Variants in NFAT5 observed in about 807,000 individuals in gnomAD.
NFAT5 encodes the protein nuclear factor of activated T-cells 5.
In NFAT5, 31 loss-of-function variants were observed where a neutral mutation model predicts 166.5. That is an observed-to-expected ratio of 0.19 (90% confidence interval 0.14 to 0.25). The LOEUF is 0.25. NFAT5 is among the 10% of genes least tolerant of loss of function. NFAT5 has a pLI of 1.00. For missense variants in NFAT5, 1,449 were observed against 1,821.8 expected (o/e 0.80, Z 3.72); for synonymous variants, 612 against 639.7 (o/e 0.96, Z 0.65).
At chr16:69,687,511 A>G (rs1015058341) in intron 11 of NFAT5, among the ~76,000 whole-genome samples, 1 of 151,854 alleles carries the variant, frequency 6.6e-6, no homozygotes, top group African/African-American at 2.4e-5. Flanking sequence ...TGGCCGTAGA[A>G]GGACTTGTGT....
chr16:69,588,507 TCAC>T (rs1450651538), intron 2 of NFAT5, among the ~76,000 whole-genome samples: 2 of 123,570 alleles, frequency 1.6e-5, no homozygotes, highest in Non-Finnish European at 3.3e-5. Context: ...AATTGTGTTC[TCAC>T]CACACTTATT....
intron 9 of NFAT5, among the ~76,000 whole-genome samples, chr16:69,673,030 C>G (rs1286816577): frequency 6.6e-6 from 1 of 152,146 alleles, no homozygotes; most frequent in Admixed American, 6.5e-5. Flanking sequence ...TTCTCTCTCT[C>G]TCTCTTGCCT....
At position 69,647,486 on chromosome 16, in the gene NFAT5, T is replaced by C; in HGVS notation, c.712T>C (p.Ser238Pro). ...PGVKRRDCEE[S>P]NMDIFDADSA... is the part of the protein sequence containing the mutation. ...GGTCAAACGACGAGATTGTGAAGAA[T>C]CTAATATGGATATATTTGATGCCGA... The change falls in exon 4 of 15, where the codon TCT (serine) becomes CCT (proline). Residue 238 changes from serine to proline, a missense_variant. Coordinates refer to ENST00000349945, the MANE Select transcript of NFAT5 (RefSeq NM_138713.4). This position sits in a 1 kb window ranked among gnomAD's most constrained non-coding sequence, Gnocchi z 4.8. 1 of 1,612,834 alleles carries C rather than the reference T, an allele frequency of 6.2e-7. No individual in the cohort carries two copies. The highest frequency in any genetic ancestry group is 2.2e-5 in the East Asian group (1 of 44,878).
chr16:69,688,022 G>A (rs550052707), intron 11 of NFAT5, among the ~76,000 whole-genome samples: 13 of 150,450 alleles, frequency 8.6e-5, no homozygotes, highest in South Asian at 2.1e-4. Flanking sequence ...GTGAAACCCC[G>A]TCTCTACTAA....
intron 11 of NFAT5, among the ~76,000 whole-genome samples, chr16:69,689,545 T>C (rs1479247475): frequency 1.3e-5 from 2 of 152,198 alleles, no homozygotes; most frequent in Admixed American, 6.5e-5. Flanking sequence ...GATGAAAATA[T>C]TTACTTTCAG....
intron 2 of NFAT5, among the ~76,000 whole-genome samples, chr16:69,602,908 G>A (rs2033212977): frequency 1.3e-5 from 2 of 151,934 alleles, no homozygotes; most frequent in South Asian, 4.2e-4. Context: ...ACTGCTCCTG[G>A]CCTTGGTTAT....
chr16:69,662,166 TAGTA>T (rs2036173992), intron 7 of NFAT5, among the ~76,000 whole-genome samples: 1 of 152,180 alleles, frequency 6.6e-6, no homozygotes, highest in African/African-American at 2.4e-5. Flanking sequence ...AGTGGAAACA[TAGTA>T]AGAGCATCTA....
At chr16:69,642,281 A>T (rs538772384) in intron 3 of NFAT5, among the ~76,000 whole-genome samples, 2 of 152,332 alleles carry the variant, frequency 1.3e-5, no homozygotes, top group South Asian at 2.1e-4. Flanking sequence ...CTGTATGTAC[A>T]ATTCAAGTTC....
At chr16:69,642,646 ATCTC>A (rs1467694392) in intron 3 of NFAT5, among the ~76,000 whole-genome samples, 1 of 151,754 alleles carries the variant, frequency 6.6e-6, no homozygotes, top group African/African-American at 2.4e-5. Flanking sequence ...TGGTGAAACT[ATCTC>A]TACTAAAAAT....
rs1451057899 is a variant in NFAT5, at chr16:69,697,835, G to C, written c.*1484G>C. 6.6e-6 allele frequency: 1 copy of C among 152,404 alleles called. No homozygotes were observed. The highest frequency in any genetic ancestry group is 1.5e-5 in the Non-Finnish European group (1 of 68,008). The allele number at this position is 152,404 out of a possible 1,614,324, so 9.4% of individuals were successfully genotyped here. A position where few individuals can be genotyped will look rare whatever the true frequency, so the allele number is the denominator to read the frequency against. The stretch of plus-strand genomic sequence containing the variant: ...TGCAGTGTAAGGCCAACGTGTGTGT[G>C]GCTTCTATGTGTTGAGATAATGTTT... On this transcript the variant is annotated 3_prime_UTR_variant, in exon 15 of 15. Coordinates refer to ENST00000349945, the MANE Select transcript of NFAT5 (RefSeq NM_138713.4).
At chr16:69,578,216 G>C (rs2031424970) in intron 2 of NFAT5, among the ~76,000 whole-genome samples, 1 of 152,114 alleles carries the variant, frequency 6.6e-6, no homozygotes, top group African/African-American at 2.4e-5. Flanking sequence ...AATTTTGCGG[G>C]AAGTCCTGCA....
At position 69,700,256 on chromosome 16, in the gene NFAT5, C is replaced by T. The variant is rs971245129; in HGVS notation, c.*3905C>T. ...TTTATTTTTATTTTTTGTAATATCA[C>T]ATGTGCTGTAGTTTGGAATTTTATT... On this transcript the variant is annotated 3_prime_UTR_variant, in exon 15 of 15. Transcript: ENST00000349945. 2.0e-5 allele frequency: 3 copies of T among 151,904 alleles called. No homozygotes were observed. The highest frequency in any genetic ancestry group is 4.4e-5 in the Non-Finnish European group (3 of 67,986). 9.4% of individuals were successfully genotyped at this position (151,904 alleles called of 1,614,324 possible).
chr16:69,580,167 T>C (rs1227948278), intron 2 of NFAT5, among the ~76,000 whole-genome samples: 1 of 151,982 alleles, frequency 6.6e-6, no homozygotes, highest in African/African-American at 2.4e-5. Context: ...TAATATGTAA[T>C]GTAATTACAT....
intron 2 of NFAT5, among the ~76,000 whole-genome samples, chr16:69,606,687 T>C (rs9938213): frequency 0.55 from 82,928 of 151,800 alleles, 24,124 homozygotes; most frequent in East Asian, 0.82. Context: ...AAACGTCATC[T>C]CCACTAAAAA....
At chr16:69,680,322 A>C (rs1485581077) in intron 10 of NFAT5, among the ~76,000 whole-genome samples, 1 of 152,140 alleles carries the variant, frequency 6.6e-6, no homozygotes, top group African/African-American at 2.4e-5. Context: ...AATAGCCTTA[A>C]AGGTTTTGCT....
intron 1 of NFAT5, among the ~76,000 whole-genome samples, chr16:69,567,870 T>TAAC (rs2016163807): frequency 6.6e-6 from 1 of 152,166 alleles, no homozygotes; most frequent in Non-Finnish European, 1.5e-5. Context: ...GCCAAGACAT[T>TAAC]AACACCATTT....
In NFAT5 at chr16:69,647,030, G is replaced by A. The variant is rs767191337; in HGVS notation, c.256G>A (p.Ala86Thr). Reference sequence around the variant, plus strand: ...TACTCTTGAATTGTACACTGCAGATGCTTCTTCAGCTCCCTCCTCTTCCTC... The same window carrying A: ...TACTCTTGAATTGTACACTGCAGATACTTCTTCAGCTCCCTCCTCTTCCTC... ...SPPPAVVAAD[A>T]SSAPSSSSMG... The change falls in exon 4 of 15, where the codon GCT (alanine) becomes ACT (threonine). Residue 86 changes from alanine to threonine, a missense_variant and splice_region_variant. Coordinates refer to ENST00000349945, the MANE Select transcript of NFAT5 (RefSeq NM_138713.4). This position sits in a 1 kb window ranked among gnomAD's most constrained non-coding sequence, Gnocchi z 4.8. 2 of 1,573,036 alleles carry A rather than the reference G, an allele frequency of 1.3e-6. No homozygotes were observed. The highest frequency in any genetic ancestry group is 1.7e-6 in the Non-Finnish European group (2 of 1,156,542).
Position 69,626,421 on chromosome 16 carries a change from TCCCA to T in NFAT5, c.147_150del (p.Pro50ArgfsTer13). The T allele has an allele frequency of 6.3e-7, 1 of 1,580,042 alleles. No individual in the cohort carries two copies. Among genetic ancestry groups the T allele is most frequent in the Non-Finnish European group, 8.6e-7 (1 of 1,166,178 alleles). On this transcript the variant is annotated frameshift_variant, in exon 3 of 15. Coordinates refer to ENST00000349945, the MANE Select transcript of NFAT5 (RefSeq NM_138713.4). LOFTEE classifies it high-confidence loss of function. The stretch of plus-strand genomic sequence containing the variant: ...CCCACAGAATCTGTCTATGATCTTC[TCCCA>T]AAGGAGTTACAGTTACCTCCATCTA...
intron 2 of NFAT5, among the ~76,000 whole-genome samples, chr16:69,570,732 A>G (rs1417313471): frequency 6.6e-6 from 1 of 152,134 alleles, no homozygotes; most frequent in Non-Finnish European, 1.5e-5. Context: ...CTTCTAGTAT[A>G]TAGTATATCC....
Sources: allele counts gnomAD v4.1 joint callset (sites outside exome capture counted in the v4.1 genomes callset), GRCh38; gene constraint gnomAD v4.1.1; non-coding constraint Gnocchi (gnomAD v3.1); transcripts MANE v1.5; gene names NCBI Gene and HGNC (gene_info 2026-07-23, HGNC 2026-07-21).